Variants in COQ6 observed in about 807,000 individuals in gnomAD.
The protein encoded by COQ6 is coenzyme Q6, monooxygenase, also known as ubiquinone biosynthesis monooxygenase COQ6, mitochondrial.
Under a neutral mutation model 55.5 loss-of-function variants are expected in COQ6, and 45 were observed. The ratio of observed to expected loss-of-function variants is 0.81; its 90% CI spans 0.64 to 1.04. The LOEUF (loss-of-function observed/expected upper bound fraction) is 1.04. Among genes scored for constraint, COQ6 ranks in the 50% least tolerant of loss-of-function variants. COQ6 has a pLI of 0.00. For synonymous variants in COQ6, 206 were observed against 230.5 expected, an observed-to-expected ratio of 0.89 and a Z score of 0.96; for missense variants, 550 against 601.3, an observed-to-expected ratio of 0.91 and a Z score of 0.89.
chr14:73,955,886 G>A lies in COQ6; in HGVS notation c.439G>A (p.Val147Ile). The part of the protein sequence containing the change: ...DDMGYIVEND[V>I]IMHALTKQLE... The stretch of plus-strand genomic sequence containing the variant: ...CATGGGCTATATCGTGGAGAATGAT[G>A]TCATCATGCATGCTCTCACTAAGCA... Residue 147 changes from valine to isoleucine, a missense_variant, in exon 4 of 12, where the codon GTC becomes ATC. Physicochemically the swap from Val to Ile is conservative, Grantham distance 29. Transcript: ENST00000334571. 5 of 1,614,166 alleles carry A rather than the reference G, an allele frequency of 3.1e-6. No individual in the cohort carries two copies. Among genetic ancestry groups the A allele is most frequent in the Non-Finnish European group, 4.2e-6 (5 of 1,180,036 alleles).
intron 8 of COQ6, chr14:73,960,849 A>G (rs1254533525): frequency 2.3e-6 from 1 of 431,590 alleles, no homozygotes; most frequent in East Asian, 5.2e-5. Flanking sequence ...TTCTAAGCAG[A>G]GGAGAGTCAT....
chr14:73,957,527 T>G (rs1594798766), intron 4 of COQ6, among the ~76,000 whole-genome samples: 1 of 152,160 alleles, frequency 6.6e-6, no homozygotes. Flanking sequence ...TTGGCTGGGG[T>G]GCAGTGGCTT....
At chr14:73,957,587 A>G (rs1281623772) in intron 4 of COQ6, among the ~76,000 whole-genome samples, 2 of 151,974 alleles carry the variant, frequency 1.3e-5, no homozygotes, top group East Asian at 3.9e-4. Flanking sequence ...ACAGGTGCGC[A>G]CCATCACGCC....
chr14:73,952,114 CTTTTTTTTTTTT>C (rs869273031), intron 1 of COQ6, among the ~76,000 whole-genome samples: 5 of 73,784 alleles, frequency 6.8e-5, no homozygotes, highest in South Asian at 6.0e-4. Context: ...CTGGAGCTAA[CTTTTTTTTTTTT>C]TTTTTTTTTT....
At position 73,961,365 on chromosome 14, in the gene COQ6, G is replaced by T. The variant is rs773446575; in HGVS notation, c.1084G>T (p.Ala362Ser). ...HAAEYVRPRV[A>S]LIGDAAHRVH... The stretch of plus-strand genomic sequence containing the variant: ...TGCTGAGTACGTCAGGCCTCGGGTG[G>T]CGCTCATTGGGTAAGACGATAACAG... Residue 362 changes from alanine (A) to serine (S), a missense_variant, in exon 9 of 12, where the codon GCG becomes TCG. By Grantham distance (99) the Ala-to-Ser change is moderately conservative. Coordinates refer to ENST00000334571, the MANE Select transcript of COQ6 (RefSeq NM_182476.3). The T allele has an allele frequency of 6.2e-7, 1 of 1,614,190 alleles. No homozygotes were observed.
At position 73,961,827 on chromosome 14, in the gene COQ6, A is replaced by G. The variant is rs775080601; in HGVS notation, c.1301A>G (p.Tyr434Cys). Residue 434 changes from tyrosine (Y) to cysteine (C), a missense_variant, in exon 11 of 12, where the codon TAT becomes TGT. Coordinates refer to ENST00000334571, the MANE Select transcript of COQ6 (RefSeq NM_182476.3). ...LAATDLLKRL[Y>C]STSASPLVLL... The stretch of plus-strand genomic sequence containing the variant: ...GCTACAGACTTACTAAAAAGGCTCT[A>G]TTCTACCAGTGCCTCCCCGCTTGTG... 2 of 1,614,170 alleles carry G rather than the reference A, an allele frequency of 1.2e-6. No homozygotes were observed. The highest frequency in any genetic ancestry group is 2.2e-5 in the East Asian group (1 of 44,878).
rs1367774676 is a variant in COQ6 at position 73,950,402 on chromosome 14, T to A, written c.70T>A (p.Trp24Arg). 1 of 1,589,248 alleles carries A rather than the reference T, an allele frequency of 6.3e-7. No individual in the cohort carries two copies. The highest frequency in any genetic ancestry group is 8.6e-7 in the Non-Finnish European group (1 of 1,168,028). Residue 24 changes from tryptophan (W) to arginine (R), a missense_variant, in exon 1 of 12, where the codon TGG (tryptophan) becomes AGG (arginine). By Grantham distance (101) the Trp-to-Arg change is moderately radical. Transcript: ENST00000334571. Reference sequence around the variant, plus strand: ...TCCCCACAGCGGCCCGCTGGTGTCCTGGCGCAGGTGGTCCGGCGCCTCAAC... The same window carrying A: ...TCCCCACAGCGGCCCGCTGGTGTCCAGGCGCAGGTGGTCCGGCGCCTCAAC... ...AAPHSGPLVS[W>R]RRWSGASTDT...
chr14:73,959,225 G>T lies in COQ6; in HGVS notation c.783+1G>T. 2 of 1,614,220 alleles carry T rather than the reference G, an allele frequency of 1.2e-6. No individual in the cohort carries two copies. The highest frequency in any genetic ancestry group is 1.7e-6 in the Non-Finnish European group (2 of 1,180,042). On this transcript the variant is annotated splice_donor_variant, in intron 7 of 11. Coordinates refer to ENST00000334571, the MANE Select transcript of COQ6 (RefSeq NM_182476.3). LOFTEE classifies it high-confidence loss of function. ...CTCTGGGCCTATTGCTCTGCTCCCG[G>T]TAAGAGGTCCTTCTGACCAGTCCGC...
At chr14:73,949,962 T>TC (rs765630421), upstream of COQ6, 4 of 1,613,352 alleles carry the variant, frequency 2.5e-6, no homozygotes, top group Admixed American at 6.7e-5. Flanking sequence ...CAGTCTCTTT[T>TC]CTCTCCTCAC....
chr14:73,958,688 GA>G, intron 5 of COQ6: 10 of 1,346,044 alleles, frequency 7.4e-6, no homozygotes, highest in Non-Finnish European at 9.6e-6. Flanking sequence ...GCCCCATACT[GA>G]AACTTTCCTT....
chr14:73,955,537 A>C, intron 3 of COQ6, 28 bp downstream of exon 3: 1 of 1,605,270 alleles, frequency 6.2e-7, no homozygotes, highest in South Asian at 1.1e-5. Context: ...CAATTTTGTC[A>C]AGATGTCTTG....
At chr14:73,954,340 C>T (rs972252887) in intron 2 of COQ6, among the ~76,000 whole-genome samples, 4 of 152,140 alleles carry the variant, frequency 2.6e-5, no homozygotes, top group African/African-American at 9.7e-5. Context: ...TCATGTGTAC[C>T]TATAGTCCTG....
intron 4 of COQ6, among the ~76,000 whole-genome samples, chr14:73,957,737 C>T (rs938741945): frequency 2.0e-5 from 3 of 152,020 alleles, no homozygotes; most frequent in Non-Finnish European, 4.4e-5. Flanking sequence ...GGCCATAGAG[C>T]GTATTGTTTT....
At chr14:73,953,648 T>A in intron 2 of COQ6, 79 bp downstream of exon 2, 1 of 1,577,804 alleles carries the variant, frequency 6.3e-7, no homozygotes, top group Non-Finnish European at 8.7e-7. Context: ...GGCAGAGTCA[T>A]CAGAGCATCT....
intron 2 of COQ6, among the ~76,000 whole-genome samples, chr14:73,954,550 A>G (rs1330690566): frequency 1.3e-5 from 2 of 152,192 alleles, no homozygotes; most frequent in Non-Finnish European, 2.9e-5. Flanking sequence ...AAAAAGAACA[A>G]TATGGATTTG....
rs1288587777 is a variant in COQ6 at position 73,958,244 on chromosome 14, A to T, written c.579A>T (p.Leu193=). ...ADSSPWVHIT[L]GDGSTFQTKL... The stretch of plus-strand genomic sequence containing the variant: ...CCAGCCCTTGGGTTCATATTACCCT[A>T]GGTGATGGCAGCACCTTCCAGACCA... Residue 193 remains leucine (L), a synonymous_variant, in exon 5 of 12, where the codon CTA becomes CTT. Transcript: ENST00000334571. 6.2e-7 allele frequency: 1 copy of T among 1,614,068 alleles called. No individual in the cohort carries two copies. Among genetic ancestry groups the T allele is most frequent in the Admixed American group, 1.7e-5 (1 of 60,014 alleles).
chr14:73,958,128 T>C lies in COQ6; in HGVS notation c.482-19T>C. Reference sequence around the variant, plus strand: ...GGCCCACCTTTCTAATTTTTTTTCCTCTCTTTTGACCTCCCCAGACCGAGT... The same window carrying C: ...GGCCCACCTTTCTAATTTTTTTTCCCCTCTTTTGACCTCCCCAGACCGAGT... On this transcript the variant is annotated intron_variant, in intron 4 of 11. Transcript: ENST00000334571. 1 of 1,611,512 alleles carries C rather than the reference T, an allele frequency of 6.2e-7. No homozygotes were observed. The highest frequency in any genetic ancestry group is 1.1e-5 in the South Asian group (1 of 91,026).
Position 73,955,522 on chromosome 14 carries a change from CT to C in COQ6, c.357+17del. ...TCGGCGAATGCAGGTGCCCCTTTATCTTTTCAATTTTGTCAAGATGTCTTGG... is the reference window on the plus strand; with the variant it reads ...TCGGCGAATGCAGGTGCCCCTTTATCTTTCAATTTTGTCAAGATGTCTTGG... On this transcript the variant is annotated intron_variant, in intron 3 of 11. Coordinates refer to ENST00000334571, the MANE Select transcript of COQ6 (RefSeq NM_182476.3). The C allele has an allele frequency of 6.2e-7, 1 of 1,613,112 alleles. No homozygotes were observed. The highest frequency in any genetic ancestry group is 8.5e-7 in the Non-Finnish European group (1 of 1,179,046).
chr14:73,958,047 C>T, intron 4 of COQ6, 100 bp from the exon 5 acceptor site: 5 of 915,272 alleles, frequency 5.5e-6, no homozygotes, highest in Non-Finnish European at 9.2e-6. Flanking sequence ...TGACAAGACA[C>T]TGCTGTCCTG....
Sources: gnomAD v4.1 joint callset for allele counts (sites outside exome capture counted in the v4.1 genomes callset) on GRCh38, gnomAD v4.1.1 for gene constraint, MANE v1.5 for transcripts, NCBI Gene and HGNC (gene_info 2026-07-23, HGNC 2026-07-21) for gene names.